Variants in HIF1A observed in about 807,000 individuals in gnomAD.
HIF1A encodes the protein hypoxia inducible factor 1 subunit alpha.
HIF1A carries 24 observed loss-of-function variants against 92.7 expected under a neutral mutation model. That is an observed-to-expected ratio of 0.26 (90% CI 0.19 to 0.36). The LOEUF (loss-of-function observed/expected upper bound fraction) is 0.36. Among genes scored for constraint, HIF1A ranks in the 10% least tolerant of loss-of-function variants. The probability of loss-of-function intolerance (pLI) is 1.00; values close to 1 mark genes in which losing one functional copy is unlikely to be tolerated. For synonymous variants in HIF1A, 319 were observed against 338.7 expected (o/e 0.94, Z 0.64); for missense variants, 799 against 998.5 (o/e 0.80, Z 2.69).
intron 1 of HIF1A, among the ~76,000 whole-genome samples, chr14:61,698,375 A>C (rs1056919816): frequency 6.6e-6 from 1 of 152,200 alleles, no homozygotes; most frequent in Admixed American, 6.5e-5. Context: ...TGAGCAAGTT[A>C]CTGAATGCCT....
chr14:61,723,716 C>G (rs1224993188), intron 4 of HIF1A, among the ~76,000 whole-genome samples: 1 of 152,146 alleles, frequency 6.6e-6, no homozygotes, highest in African/African-American at 2.4e-5. Flanking sequence ...TGGGGCTAGA[C>G]TATAAATGGA....
At chr14:61,732,772 A>G (rs1419295942) in intron 7 of HIF1A, among the ~76,000 whole-genome samples, 1 of 152,244 alleles carries the variant, frequency 6.6e-6, no homozygotes, top group African/African-American at 2.4e-5. Context: ...GAAAATCCAA[A>G]TATTATAGAG....
At chr14:61,735,183 C>T (rs1266299753) in intron 8 of HIF1A, among the ~76,000 whole-genome samples, 1 of 152,250 alleles carries the variant, frequency 6.6e-6, no homozygotes, top group Non-Finnish European at 1.5e-5. Context: ...AGAATTTTAG[C>T]GATCTTTTTA....
chr14:61,731,616 G>A (rs1487055293), intron 6 of HIF1A, among the ~76,000 whole-genome samples: 1 of 152,152 alleles, frequency 6.6e-6, no homozygotes, highest in African/African-American at 2.4e-5. Flanking sequence ...TTAGAATTGT[G>A]TAATGGCTAT....
At chr14:61,739,593 T>A (rs1045511795) in intron 10 of HIF1A, among the ~76,000 whole-genome samples, 1 of 152,126 alleles carries the variant, frequency 6.6e-6, no homozygotes, top group Non-Finnish European at 1.5e-5. Context: ...GAAAAAAAAA[T>A]GTTTGATTCA....
intron 13 of HIF1A, 41 bp downstream of exon 13, chr14:61,744,854 C>A: frequency 2.4e-6 from 2 of 816,886 alleles, no homozygotes; most frequent in South Asian, 1.4e-5. Context: ...AGCTAATGTG[C>A]TATTTCGTGT....
At chr14:61,697,977 T>A (rs2044135345) in intron 1 of HIF1A, 2 of 1,340,194 alleles carry the variant, frequency 1.5e-6, no homozygotes. Flanking sequence ...TACTGTAGAT[T>A]TAACGCAGGA....
chr14:61,710,944 C>T (rs2044298981), intron 1 of HIF1A, among the ~76,000 whole-genome samples: 1 of 151,554 alleles, frequency 6.6e-6, no homozygotes, highest in Non-Finnish European at 1.5e-5. Flanking sequence ...CCTGTAACCC[C>T]AGCTACTCAG....
intron 1 of HIF1A, chr14:61,697,646 T>G: frequency 2.6e-6 from 3 of 1,140,400 alleles, no homozygotes; most frequent in Non-Finnish European, 2.2e-6. Flanking sequence ...CAACCTTGGA[T>G]TGGATGGATT....
intron 1 of HIF1A, among the ~76,000 whole-genome samples, chr14:61,709,535 G>A (rs971405602): frequency 6.6e-6 from 1 of 152,112 alleles, no homozygotes; most frequent in Non-Finnish European, 1.5e-5. Flanking sequence ...AAGCATTTTG[G>A]TGAGGTTTGG....
chr14:61,730,262 A>T (rs2044559983), intron 6 of HIF1A, among the ~76,000 whole-genome samples: 1 of 152,174 alleles, frequency 6.6e-6, no homozygotes, highest in Non-Finnish European at 1.5e-5. Context: ...TCTAAAGTTA[A>T]ATTAACCTCA....
Position 61,745,740 on chromosome 14 carries a change from C to T in HIF1A, c.2252C>T (p.Ser751Phe), listed in dbSNP as rs1488491748. The T allele has an allele frequency of 6.2e-7, 1 of 1,612,160 alleles. No individual in the cohort carries two copies. The highest frequency in any genetic ancestry group is 2.2e-5 in the East Asian group (1 of 44,840). Reference protein sequence around the residue: ...PDDHAATTSLSWKRVKGCKSS... With the variant: ...PDDHAATTSLFWKRVKGCKSS... The stretch of plus-strand genomic sequence containing the variant: ...GATCATGCAGCTACTACATCACTTT[C>T]TTGGAAACGTGTAAAAGGATGCAAA... The change falls in exon 14 of 15, where the codon TCT (serine) becomes TTT (phenylalanine). Residue 751 changes from serine (S) to phenylalanine (F), a missense_variant. Transcript: ENST00000337138.
At chr14:61,705,989 T>C (rs779420159) in intron 1 of HIF1A, among the ~76,000 whole-genome samples, 4 of 152,178 alleles carry the variant, frequency 2.6e-5, no homozygotes, top group South Asian at 4.1e-4. Context: ...ACTTTATTAT[T>C]ATTTATGCAT....
At chr14:61,735,572 T>TG (rs1195507641) in intron 8 of HIF1A, among the ~76,000 whole-genome samples, 2 of 152,222 alleles carry the variant, frequency 1.3e-5, no homozygotes, top group African/African-American at 4.8e-5. Context: ...TCACAATGGG[T>TG]TATAAATTTC....
chr14:61,724,599 T>C (rs1411075944), intron 4 of HIF1A, among the ~76,000 whole-genome samples: 1 of 152,188 alleles, frequency 6.6e-6, no homozygotes, highest in Non-Finnish European at 1.5e-5. Context: ...CCAGCATTTC[T>C]AGTTAACCAT....
chr14:61,729,224 G>C (rs991723451), intron 6 of HIF1A, among the ~76,000 whole-genome samples: 2 of 152,100 alleles, frequency 1.3e-5, no homozygotes, highest in African/African-American at 4.8e-5. Context: ...CACTGTGGGA[G>C]GCCGAGGTGG....
chr14:61,744,078 G>T lies in HIF1A; in HGVS notation c.2094-627G>T, dbSNP rs183007314. Among the ~76,000 whole-genome samples the T allele has an allele frequency of 2.0e-5, 3 of 152,280 alleles. No homozygotes were observed. The East Asian group carries it at 5.8e-4, about 29-fold the overall frequency. Reference sequence around the variant, plus strand: ...GCTATACGAATGTGAGATTGATCTTGTATTTCAATAGTCCCAACAATATCA... The same window carrying T: ...GCTATACGAATGTGAGATTGATCTTTTATTTCAATAGTCCCAACAATATCA... On this transcript the variant is annotated intron_variant, in intron 12 of 14. Coordinates refer to ENST00000337138, the MANE Select transcript of HIF1A (RefSeq NM_001530.4).
chr14:61,725,447 C>T (rs1291181058), intron 4 of HIF1A, among the ~76,000 whole-genome samples: 1 of 151,688 alleles, frequency 6.6e-6, no homozygotes, highest in African/African-American at 2.4e-5. Flanking sequence ...CAGTGTCTCA[C>T]TTTGTCACCC....
At chr14:61,721,865 T>C (rs767307265) in intron 4 of HIF1A, 42 bp downstream of exon 4, 14 of 1,395,152 alleles carry the variant, frequency 1.0e-5, no homozygotes, top group African/African-American at 4.3e-5. Flanking sequence ...ACAGGTGGTT[T>C]TACATAATAA....
Sources: gnomAD v4.1 joint callset for allele counts (sites outside exome capture counted in the v4.1 genomes callset) on GRCh38, gnomAD v4.1.1 for gene constraint, MANE v1.5 for transcripts, NCBI Gene and HGNC (gene_info 2026-07-23, HGNC 2026-07-21) for gene names.